The following LRFN2 variants were observed in gnomAD, a reference collection of about 807,000 sequenced individuals.
The protein encoded by LRFN2 is leucine rich repeat and fibronectin type III domain containing 2.
LRFN2 carries 18 observed loss-of-function variants against 37.3 expected under a neutral mutation model. The ratio of observed to expected loss-of-function variants is 0.48; its 90% CI spans 0.33 to 0.72. LRFN2 has a LOEUF of 0.72. LRFN2 is among the 30% of genes least tolerant of loss of function. The probability of loss-of-function intolerance (pLI) is 0.02; values close to 1 mark genes in which losing one functional copy is unlikely to be tolerated. For synonymous variants in LRFN2, 556 were observed against 466.6 expected (o/e 1.19, Z -2.47); for missense variants, 1,006 against 1,060.7 (o/e 0.95, Z 0.72).
chr6:40,478,238 A>G (rs1027800273), intron 1 of LRFN2, among the ~76,000 whole-genome samples: 1 of 152,106 alleles, frequency 6.6e-6, no homozygotes, highest in Non-Finnish European at 1.5e-5. Context: ...ACTCTGTGCT[A>G]TCATCTTATT....
At chr6:40,532,144 T>C (rs1766355728) in intron 1 of LRFN2, among the ~76,000 whole-genome samples, 1 of 152,210 alleles carries the variant, frequency 6.6e-6, no homozygotes, top group African/African-American at 2.4e-5. Context: ...TCTCAAGCCT[T>C]ACCGTGGGCC....
intron 1 of LRFN2, among the ~76,000 whole-genome samples, chr6:40,466,199 C>T (rs1170600282): frequency 6.6e-6 from 1 of 152,144 alleles, no homozygotes; most frequent in African/African-American, 2.4e-5. Flanking sequence ...TCCCACCTGA[C>T]ATTTGGATAC....
At chr6:40,482,766 C>G (rs1009384022) in intron 1 of LRFN2, among the ~76,000 whole-genome samples, 7 of 152,174 alleles carry the variant, frequency 4.6e-5, no homozygotes, top group Admixed American at 6.5e-5. Flanking sequence ...CTGCCTCCCC[C>G]TCCTGGCCAG....
At chr6:40,540,606 G>T (rs1441917833) in intron 1 of LRFN2, among the ~76,000 whole-genome samples, 2 of 152,182 alleles carry the variant, frequency 1.3e-5, no homozygotes, top group African/African-American at 2.4e-5. Context: ...TTGCCCTGAG[G>T]GGCTGCCAAC....
chr6:40,553,343 A>G (rs1254908064), intron 1 of LRFN2, among the ~76,000 whole-genome samples: 1 of 152,226 alleles, frequency 6.6e-6, no homozygotes, highest in Non-Finnish European at 1.5e-5. Context: ...TACCCAGCAG[A>G]GGAAAAACAA....
At chr6:40,413,104 C>T (rs1763009400) in intron 2 of LRFN2, among the ~76,000 whole-genome samples, 1 of 152,188 alleles carries the variant, frequency 6.6e-6, no homozygotes, top group African/African-American at 2.4e-5. Context: ...CCATGCCACC[C>T]AGTGGGTGAT....
intron 2 of LRFN2, among the ~76,000 whole-genome samples, chr6:40,414,051 C>T (rs1291798019): frequency 2.0e-5 from 3 of 152,238 alleles, no homozygotes; most frequent in Non-Finnish European, 2.9e-5. Context: ...AACTCATGTC[C>T]TGGGAGGAAG....
chr6:40,503,914 G>T (rs1218749490), intron 1 of LRFN2, among the ~76,000 whole-genome samples: 2 of 152,052 alleles, frequency 1.3e-5, no homozygotes, highest in African/African-American at 4.8e-5. Flanking sequence ...GGAAAGATGG[G>T]GTGAAGGCCC....
chr6:40,529,326 G>A (rs995975672), intron 1 of LRFN2, among the ~76,000 whole-genome samples: 2 of 152,138 alleles, frequency 1.3e-5, no homozygotes, highest in African/African-American at 4.8e-5. Context: ...AACTCAGTAG[G>A]AGGTTTGGGG....
chr6:40,456,870 C>G (rs1053234796), intron 1 of LRFN2, among the ~76,000 whole-genome samples: 1 of 152,126 alleles, frequency 6.6e-6, no homozygotes, highest in African/African-American at 2.4e-5. Flanking sequence ...CAGCCCAACT[C>G]CCACTTGGTT....
At chr6:40,439,899 T>C (rs1322782202) in intron 1 of LRFN2, among the ~76,000 whole-genome samples, 2 of 151,858 alleles carry the variant, frequency 1.3e-5, no homozygotes, top group East Asian at 1.9e-4. Context: ...AGTTTCTAAT[T>C]TGAAGGTAGG....
chr6:40,543,452 C>T lies in LRFN2; in HGVS notation c.-19+43489G>A, dbSNP rs116395413. Reference sequence around the variant, plus strand: ...CAGGTGTCCTGAACATCTGTATCTTCCCCACTCCAACTTCTTCCTCCCACC... The same window carrying T: ...CAGGTGTCCTGAACATCTGTATCTTTCCCACTCCAACTTCTTCCTCCCACC... On this transcript the variant is annotated intron_variant, in intron 1 of 2. Coordinates refer to ENST00000338305, the MANE Select transcript of LRFN2 (RefSeq NM_020737.3). Among the ~76,000 whole-genome samples, 218 of 152,296 alleles carry T rather than the reference C, an allele frequency of 1.4e-3. 1 individual carries two copies. The highest frequency in any genetic ancestry group is 5.0e-3 in the African/African-American group (206 of 41,556).
intron 1 of LRFN2, among the ~76,000 whole-genome samples, chr6:40,562,400 T>C (rs1375475837): frequency 6.6e-6 from 1 of 150,948 alleles, no homozygotes; most frequent in Admixed American, 6.6e-5. Flanking sequence ...TGAGTAGGAA[T>C]ATAGAAACTG....
At chr6:40,474,504 T>C (rs1321274630) in intron 1 of LRFN2, among the ~76,000 whole-genome samples, 1 of 152,202 alleles carries the variant, frequency 6.6e-6, no homozygotes, top group African/African-American at 2.4e-5. Context: ...TGTTTTGTTT[T>C]TTTGAGATGC....
intron 1 of LRFN2, among the ~76,000 whole-genome samples, chr6:40,439,487 T>G (rs1414637436): frequency 6.6e-6 from 1 of 152,158 alleles, no homozygotes; most frequent in Non-Finnish European, 1.5e-5. Context: ...GAGTTCCACT[T>G]GTATGGGGGC....
intron 1 of LRFN2, among the ~76,000 whole-genome samples, chr6:40,536,949 C>T (rs1766459850): frequency 6.6e-6 from 1 of 152,198 alleles, no homozygotes; most frequent in African/African-American, 2.4e-5. Flanking sequence ...CACCTCCAAG[C>T]TTTCTTAAAC....
chr6:40,477,720 T>A (rs1764739709), intron 1 of LRFN2, among the ~76,000 whole-genome samples: 1 of 152,130 alleles, frequency 6.6e-6, no homozygotes. Flanking sequence ...CCCACTTGTC[T>A]CCTCCTAGGA....
At chr6:40,557,927 G>A (rs1766921199) in intron 1 of LRFN2, among the ~76,000 whole-genome samples, 1 of 152,190 alleles carries the variant, frequency 6.6e-6, no homozygotes, top group Non-Finnish European at 1.5e-5. Flanking sequence ...TTGCACGGAA[G>A]GCTTTTATAA....
At chr6:40,429,920 A>G (rs889005711) in intron 2 of LRFN2, among the ~76,000 whole-genome samples, 3 of 152,226 alleles carry the variant, frequency 2.0e-5, no homozygotes, top group African/African-American at 7.2e-5. Flanking sequence ...CACTGGATTG[A>G]TTATAAATAC....
Sources: allele counts gnomAD v4.1 joint callset (sites outside exome capture counted in the v4.1 genomes callset), GRCh38; gene constraint gnomAD v4.1.1; transcripts MANE v1.5; gene names NCBI Gene and HGNC (gene_info 2026-07-23, HGNC 2026-07-21).